UNC13A: variants seen among roughly 807,000 people sequenced by gnomAD.
UNC13A encodes protein unc-13 homolog A.
A neutral mutation model predicts 219.7 loss-of-function variants in UNC13A; 61 were observed. The ratio of observed to expected loss-of-function variants is 0.28; its 90% CI spans 0.23 to 0.34. The LOEUF is 0.34. Ranked by LOEUF, UNC13A falls within the 10% of genes least tolerant of loss-of-function variation. UNC13A has a pLI of 1.00. For missense variants in UNC13A, 1,476 were observed against 2,270.3 expected (o/e 0.65, Z 7.11); for synonymous variants, 920 against 884.6 (o/e 1.04, Z -0.71).
intron 6 of UNC13A, among the ~76,000 whole-genome samples, chr19:17,667,223 C>T (rs759166145): frequency 6.7e-6 from 1 of 149,394 alleles, no homozygotes; most frequent in Non-Finnish European, 1.5e-5. Context: ...TGCACTCCAG[C>T]CTGGTGACAC....
At chr19:17,641,321 C>A in intron 21 of UNC13A, 72 bp downstream of exon 21, 1 of 1,565,658 alleles carries the variant, frequency 6.4e-7, no homozygotes. Flanking sequence ...GAGAATCCCT[C>A]CCACCCCAGA....
chr19:17,649,365 A>T lies in UNC13A; in HGVS notation c.1519-21T>A. The T allele has an allele frequency of 1.9e-6, 3 of 1,605,106 alleles. No individual in the cohort carries two copies. The highest frequency in any genetic ancestry group is 2.5e-6 in the Non-Finnish European group (3 of 1,177,422). On this transcript the variant is annotated intron_variant, in intron 13 of 43. Coordinates refer to ENST00000519716, the MANE Select transcript of UNC13A (RefSeq NM_001080421.3). The surrounding 1 kb of genome is among the most constrained non-coding windows in gnomAD (Gnocchi z 4.4). ...ATGGCCTGAAGTGTCCACGCAGCAC[A>T]TGGGGGTAGAAATCAGACTACATTA...
Position 17,647,452 on chromosome 19 carries a change from C to T in UNC13A, c.1857G>A (p.Arg619=). 3 of 1,613,520 alleles carry T rather than the reference C, an allele frequency of 1.9e-6. No individual in the cohort carries two copies. The highest frequency in any genetic ancestry group is 2.5e-6 in the Non-Finnish European group (3 of 1,179,806). ...EKSSKHGAED[R]TQNIIMVLKD... is the part of the protein sequence containing the mutation. ...TGAGCACCATGATGATGTTCTGTGT[C>T]CGGTCCTCCGCCCCGTGCTTGGAGC... is the stretch of plus-strand genomic sequence containing the variant. The change falls in exon 17 of 44, where the codon CGG becomes CGA. Residue 619 remains arginine, a synonymous_variant. Coordinates refer to ENST00000519716, the MANE Select transcript of UNC13A (RefSeq NM_001080421.3).
chr19:17,647,526 G>A (rs751677535), intron 16 of UNC13A, 34 bp from the exon 17 acceptor site: 9 of 1,596,300 alleles, frequency 5.6e-6, no homozygotes, highest in African/African-American at 2.7e-5. Context: ...TGACCCCAGC[G>A]CGCCCTGCAT....
chr19:17,637,782 C>G (rs1308380575), intron 25 of UNC13A, among the ~76,000 whole-genome samples: 1 of 122,972 alleles, frequency 8.1e-6, no homozygotes. Context: ...GAACTGAACA[C>G]AGCTTATGTG....
chr19:17,652,578 C>T (rs971134198), intron 12 of UNC13A, 53 bp downstream of exon 12: 4 of 1,612,550 alleles, frequency 2.5e-6, no homozygotes, highest in Non-Finnish European at 3.4e-6. Flanking sequence ...GCAAACCAGC[C>T]TTGGACTTGG....
chr19:17,631,677 GTC>G (rs1238681566), intron 28 of UNC13A, among the ~76,000 whole-genome samples: 1 of 152,164 alleles, frequency 6.6e-6, no homozygotes, highest in Non-Finnish European at 1.5e-5. Flanking sequence ...CAAATCTCGG[GTC>G]TGTCATGTAC....
chr19:17,662,577 T>C (rs2079569074), intron 8 of UNC13A, among the ~76,000 whole-genome samples: 1 of 152,146 alleles, frequency 6.6e-6, no homozygotes, highest in Admixed American at 6.6e-5. Context: ...TCCATGAAAC[T>C]GGTCCCTTGT....
chr19:17,626,885 C>A, intron 33 of UNC13A, 100 bp from the exon 34 acceptor site: 1 of 1,448,980 alleles, frequency 6.9e-7, no homozygotes, highest in Non-Finnish European at 9.1e-7. Flanking sequence ...TGCATCACAG[C>A]ACATAACCGA....
intron 20 of UNC13A, among the ~76,000 whole-genome samples, chr19:17,642,404 A>C (rs762834100): frequency 6.6e-6 from 1 of 152,084 alleles, no homozygotes; most frequent in Non-Finnish European, 1.5e-5. Flanking sequence ...CTATCCATCC[A>C]TGTACTCACC....
chr19:17,684,392 T>A (rs1322031450), intron 1 of UNC13A, among the ~76,000 whole-genome samples: 1 of 151,572 alleles, frequency 6.6e-6, no homozygotes, highest in Non-Finnish European at 1.5e-5. Context: ...CGTGCAGGAG[T>A]GATGGCTAGG....
chr19:17,683,820 G>T (rs1235767142), intron 1 of UNC13A, among the ~76,000 whole-genome samples: 1 of 152,056 alleles, frequency 6.6e-6, no homozygotes, highest in Non-Finnish European at 1.5e-5. Flanking sequence ...TGGGCGTGGT[G>T]GCTCACACCT....
Position 17,617,688 on chromosome 19 carries a change from C to A in UNC13A, c.4558+14G>T. On this transcript the variant is annotated intron_variant, in intron 41 of 43. Coordinates refer to ENST00000519716, the MANE Select transcript of UNC13A (RefSeq NM_001080421.3). ...GCGGAGCGGGAAAGGGTGATGCGGTCTGGGTACCCTTACCCTGGGCCGATT... is the reference window on the plus strand; with the variant it reads ...GCGGAGCGGGAAAGGGTGATGCGGTATGGGTACCCTTACCCTGGGCCGATT... 6.2e-7 allele frequency: 1 copy of A among 1,611,122 alleles called. No individual in the cohort carries two copies.
At chr19:17,680,869 C>CTTTTTTTTTTTT (rs71162171) in intron 1 of UNC13A, among the ~76,000 whole-genome samples, 2 of 106,428 alleles carry the variant, frequency 1.9e-5, no homozygotes, top group Non-Finnish European at 1.8e-5. Context: ...TCTTCTTCTT[C>CTTTTTTTTTTTT]TTTTTTTTTC....
In UNC13A at chr19:17,617,695, C is replaced by A. The variant is rs758698079; in HGVS notation, c.4558+7G>T. 3.7e-6 allele frequency: 6 copies of A among 1,612,896 alleles called. No individual in the cohort carries two copies. In the African/African-American group the frequency reaches 8.0e-5, roughly 22 times the overall value. On this transcript the variant is annotated splice_region_variant and intron_variant, in intron 41 of 43. Transcript: ENST00000519716. The stretch of plus-strand genomic sequence containing the variant: ...GGGAAAGGGTGATGCGGTCTGGGTA[C>A]CCTTACCCTGGGCCGATTGCGTCTG...
In UNC13A at chr19:17,639,501, C is replaced by T; in HGVS notation, c.2881G>A (p.Glu961Lys). Residue 961 changes from glutamate to lysine, a missense_variant, in exon 24 of 44, where the codon GAG becomes AAG. Coordinates refer to ENST00000519716, the MANE Select transcript of UNC13A (RefSeq NM_001080421.3). ...GTGGATTTGAGGTCCTGGAGTCTCT[C>T]CGGGCTGCTGGCTGGGAAGTTATTC... ...YRNNFPASSPERLQDLKSTVD... is the reference protein window; with the variant it reads ...YRNNFPASSPKRLQDLKSTVD... 6.2e-7 allele frequency: 1 copy of T among 1,613,388 alleles called. No individual in the cohort carries two copies. The highest frequency in any genetic ancestry group is 2.2e-5 in the East Asian group (1 of 44,888).
chr19:17,620,855 G>A (rs1035193801), intron 37 of UNC13A, 133 bp from the exon 38 acceptor site: 1 of 1,010,312 alleles, frequency 9.9e-7, no homozygotes, highest in Non-Finnish European at 1.5e-6. Context: ...TGGGTCTAAT[G>A]GTGGGCCCCC....
chr19:17,630,810 G>C, intron 28 of UNC13A, 60 bp from the exon 29 acceptor site: 1 of 1,501,134 alleles, frequency 6.7e-7, no homozygotes, highest in Non-Finnish European at 9.2e-7. Flanking sequence ...CCTCTGCGCC[G>C]CCTGGTTCTG....
In UNC13A at chr19:17,641,393, G is replaced by A. The variant is rs745543354; in HGVS notation, c.2636C>T (p.Thr879Ile). The A allele has an allele frequency of 5.6e-6, 9 of 1,613,682 alleles. No individual in the cohort carries two copies. Among genetic ancestry groups the A allele is most frequent in the South Asian group, 2.2e-5 (2 of 91,040 alleles). The change falls in exon 21 of 44, where the codon ACC becomes ATC. Residue 879 changes from threonine to isoleucine, a missense_variant and splice_region_variant. Thr to Ile is a moderately conservative substitution (Grantham distance 89). Transcript: ENST00000519716. ...CCTGCACCCCAGCCTGCAGTCTCACGTCATGGCTTGGTAGATGGACTCGAC... is the reference window on the plus strand; with the variant it reads ...CCTGCACCCCAGCCTGCAGTCTCACATCATGGCTTGGTAGATGGACTCGAC... ...YGVESIYQAM[T>I]HFACLSSKYM... is the part of the protein sequence containing the mutation.
Sources: gnomAD v4.1 joint callset for allele counts (sites outside exome capture counted in the v4.1 genomes callset) on GRCh38, gnomAD v4.1.1 for gene constraint, Gnocchi (gnomAD v3.1) non-coding constraint, MANE v1.5 for transcripts, NCBI Gene and HGNC (gene_info 2026-07-23, HGNC 2026-07-21) for gene names.